GRIN2A: variants seen among roughly 807,000 people sequenced by gnomAD.
GRIN2A encodes the protein glutamate ionotropic receptor NMDA type subunit 2A, also known as glutamate receptor ionotropic, NMDA 2A.
In GRIN2A, 22 loss-of-function variants were observed where a neutral mutation model predicts 113.4. That is an observed-to-expected ratio of 0.19 (90% CI 0.14 to 0.28). GRIN2A has a LOEUF of 0.28. Among genes scored for constraint, GRIN2A ranks in the 10% least tolerant of loss-of-function variants. The probability of loss-of-function intolerance (pLI) is 1.00; values close to 1 mark genes in which losing one functional copy is unlikely to be tolerated. For synonymous variants in GRIN2A, 827 were observed against 738.4 expected (o/e 1.12, Z -1.94); for missense variants, 1,502 against 1,887.0 (o/e 0.80, Z 3.78).
At chr16:9,811,550 G>T (rs1388965344) in intron 10 of GRIN2A, among the ~76,000 whole-genome samples, 3 of 152,148 alleles carry the variant, frequency 2.0e-5, no homozygotes, top group African/African-American at 7.2e-5. Flanking sequence ...CTTGAGGTCA[G>T]GAGTTTGAGA....
rs139674945 is a variant in GRIN2A at position 9,991,878 on chromosome 16, G to C, written c.415-53327C>G. The stretch of plus-strand genomic sequence containing the variant: ...GAATACATGGACACAGTGAGGGGAA[G>C]ATCACACACCAGGGCCTGTCAGGGG... On this transcript the variant is annotated intron_variant, in intron 2 of 12. Transcript: ENST00000330684. Among the ~76,000 whole-genome samples, 1,306 of 152,212 alleles carry C rather than the reference G, an allele frequency of 8.6e-3. 22 individuals carry two copies. Among genetic ancestry groups the C allele is most frequent in the African/African-American group, 0.03 (1,242 of 41,532 alleles).
At chr16:9,934,019 C>T (rs2044656371) in intron 3 of GRIN2A, among the ~76,000 whole-genome samples, 1 of 152,080 alleles carries the variant, frequency 6.6e-6, no homozygotes. Context: ...TCATGTTTTC[C>T]CTTCTATGGA....
chr16:10,053,525 G>A (rs892387505), intron 2 of GRIN2A, among the ~76,000 whole-genome samples: 5 of 152,234 alleles, frequency 3.3e-5, no homozygotes, highest in African/African-American at 1.2e-4. Flanking sequence ...GACTGTGAGT[G>A]ACGAATGAAG....
chr16:9,786,255 A>T (rs1902222477), intron 11 of GRIN2A, among the ~76,000 whole-genome samples: 1 of 152,214 alleles, frequency 6.6e-6, no homozygotes, highest in Non-Finnish European at 1.5e-5. Flanking sequence ...GCCTGTATCG[A>T]GGCCAAACAT....
chr16:9,827,746 G>A, intron 9 of GRIN2A, among the ~76,000 whole-genome samples: 1 of 152,180 alleles, frequency 6.6e-6, no homozygotes, highest in East Asian at 1.9e-4. Context: ...AGGGATCCCA[G>A]GAGATCCAGG....
chr16:10,054,586 C>T (rs1292715942), intron 2 of GRIN2A, among the ~76,000 whole-genome samples: 1 of 152,166 alleles, frequency 6.6e-6, no homozygotes, highest in African/African-American at 2.4e-5. Flanking sequence ...CAAAGATGTT[C>T]TGTGTTTCGT....
chr16:10,062,864 C>CAAA (rs547484672), intron 2 of GRIN2A, among the ~76,000 whole-genome samples: 1 of 126,828 alleles, frequency 7.9e-6, no homozygotes, highest in African/African-American at 2.9e-5. Context: ...GACTCTGTTT[C>CAAA]AAAAAAAAAA....
chr16:9,861,150 G>A (rs886319422), intron 4 of GRIN2A, among the ~76,000 whole-genome samples: 10 of 152,136 alleles, frequency 6.6e-5, no homozygotes, highest in African/African-American at 2.4e-4. Context: ...ATAACCATGG[G>A]GAAACAGGCT....
chr16:10,127,586 T>C (rs984726603), intron 2 of GRIN2A, among the ~76,000 whole-genome samples: 11 of 152,330 alleles, frequency 7.2e-5, no homozygotes, highest in Non-Finnish European at 1.0e-4. Context: ...ATAAGAATAA[T>C]TGCCTGTTTA....
In GRIN2A at chr16:10,180,131, C is replaced by G. The variant is rs1179489169; in HGVS notation, c.281G>C (p.Arg94Pro). 6.2e-6 allele frequency: 10 copies of G among 1,614,214 alleles called. No individual in the cohort carries two copies. Among genetic ancestry groups the G allele is most frequent in the Non-Finnish European group, 8.5e-6 (10 of 1,180,040 alleles). ...THVCDLMSGA[R>P]IHGLVFGDDT... Reference sequence around the variant, plus strand: ...GTCCCCAAACACGAGGCCGTGGATGCGTGCCCCGGACATGAGGTCGCACAC... The same window carrying G: ...GTCCCCAAACACGAGGCCGTGGATGGGTGCCCCGGACATGAGGTCGCACAC... The change falls in exon 2 of 13, where the codon CGC becomes CCC. Residue 94 changes from arginine (R) to proline (P), a missense_variant. Transcript: ENST00000330684. This position sits in a 1 kb window ranked among gnomAD's most constrained non-coding sequence, Gnocchi z 7.0.
intron 2 of GRIN2A, among the ~76,000 whole-genome samples, chr16:10,176,591 A>T (rs1001550318): frequency 5.3e-5 from 8 of 151,456 alleles, no homozygotes; most frequent in African/African-American, 1.9e-4. Flanking sequence ...CAGCAAACTA[A>T]CGCAAGGACA....
At chr16:10,015,804 G>A (rs1236705548) in intron 2 of GRIN2A, among the ~76,000 whole-genome samples, 1 of 152,186 alleles carries the variant, frequency 6.6e-6, no homozygotes, top group Admixed American at 6.5e-5. Context: ...ATCAGTGTGG[G>A]AAATGGACAG....
chr16:10,064,135 A>T (rs1419095759), intron 2 of GRIN2A, among the ~76,000 whole-genome samples: 2 of 152,176 alleles, frequency 1.3e-5, no homozygotes, highest in Non-Finnish European at 1.5e-5. Flanking sequence ...ATGTCTATAG[A>T]ATTGAACTGA....
At chr16:10,053,951 A>G (rs2047403458) in intron 2 of GRIN2A, among the ~76,000 whole-genome samples, 2 of 151,804 alleles carry the variant, frequency 1.3e-5, no homozygotes, top group Non-Finnish European at 2.9e-5. Context: ...CAAGAGCTGT[A>G]TTATTAGTTG....
At chr16:10,144,547 T>C (rs184182861) in intron 2 of GRIN2A, among the ~76,000 whole-genome samples, 6 of 152,362 alleles carry the variant, frequency 3.9e-5, no homozygotes, top group East Asian at 3.9e-4. Context: ...GAATTTCTTA[T>C]ATATTTTGGA....
intron 2 of GRIN2A, chr16:10,111,471 C>A: frequency 1.6e-6 from 1 of 635,216 alleles, no homozygotes; most frequent in East Asian, 2.8e-5. Flanking sequence ...CCAACTGCCG[C>A]ACCCACAACA....
At chr16:9,995,640 C>T (rs977129319) in intron 2 of GRIN2A, among the ~76,000 whole-genome samples, 4 of 151,546 alleles carry the variant, frequency 2.6e-5, no homozygotes, top group Non-Finnish European at 5.9e-5. Context: ...ACCCAAGGTC[C>T]CAGTCATCTA....
intron 2 of GRIN2A, among the ~76,000 whole-genome samples, chr16:10,103,257 T>TC (rs2048434301): frequency 6.6e-6 from 1 of 152,114 alleles, no homozygotes; most frequent in African/African-American, 2.4e-5. Context: ...ACAGCTAAGC[T>TC]GATGTATCAC....
intron 3 of GRIN2A, among the ~76,000 whole-genome samples, chr16:9,936,097 T>C (rs189007714): frequency 3.3e-5 from 5 of 152,328 alleles, no homozygotes; most frequent in Non-Finnish European, 5.9e-5. Context: ...AACAGTACTT[T>C]TCATGCGGCA....
Sources: gnomAD v4.1 joint callset for allele counts (sites outside exome capture counted in the v4.1 genomes callset) on GRCh38, gnomAD v4.1.1 for gene constraint, Gnocchi (gnomAD v3.1) non-coding constraint, MANE v1.5 for transcripts, NCBI Gene and HGNC (gene_info 2026-07-23, HGNC 2026-07-21) for gene names.